Variants in PRKAG2 observed in about 807,000 individuals in gnomAD.
The protein encoded by PRKAG2 is 5'-AMP-activated protein kinase subunit gamma-2.
In PRKAG2, 26 loss-of-function variants were observed where a neutral mutation model predicts 69.6. The ratio of observed to expected loss-of-function variants is 0.37; its 90% CI spans 0.27 to 0.52. PRKAG2 has a LOEUF of 0.52. PRKAG2 is among the 20% of genes least tolerant of loss of function. The pLI, the probability that PRKAG2 is intolerant of heterozygous loss-of-function variation, is 0.90. For missense variants in PRKAG2, 557 were observed against 740.0 expected (o/e 0.75, Z 2.87); for synonymous variants, 293 against 285.0 (o/e 1.03, Z -0.28).
At chr7:151,578,619 T>C (rs1386659578) in intron 6 of PRKAG2, among the ~76,000 whole-genome samples, 1 of 152,188 alleles carries the variant, frequency 6.6e-6, no homozygotes, top group Non-Finnish European at 1.5e-5. Context: ...GTCCTGAATA[T>C]AGCAGGGATT....
chr7:151,800,068 G>A (rs546979368), intron 1 of PRKAG2, among the ~76,000 whole-genome samples: 2 of 151,202 alleles, frequency 1.3e-5, no homozygotes, highest in Non-Finnish European at 3.0e-5. Flanking sequence ...TTTGAAAGTC[G>A]CCTCACGGGC....
At chr7:151,782,346 AGGGAGGGAGGGAG>A (rs2076738292) in intron 2 of PRKAG2, among the ~76,000 whole-genome samples, 2 of 25,550 alleles carry the variant, frequency 7.8e-5, no homozygotes, top group African/African-American at 2.2e-4. Context: ...GGAAGGAGGG[AGGGAGGGAGGGAG>A]GGAGGGAGGG....
intron 3 of PRKAG2, among the ~76,000 whole-genome samples, chr7:151,738,563 C>A (rs1030912547): frequency 2.0e-5 from 3 of 152,280 alleles, no homozygotes; most frequent in African/African-American, 7.2e-5. Context: ...GGCGGAAAAC[C>A]GCTTAAAGGC....
intron 3 of PRKAG2, among the ~76,000 whole-genome samples, chr7:151,760,765 G>A (rs189493998): frequency 6.6e-6 from 1 of 152,280 alleles, no homozygotes; most frequent in East Asian, 1.9e-4. Context: ...GGCAGTTAAA[G>A]TCTATCTGTG....
intron 4 of PRKAG2, among the ~76,000 whole-genome samples, chr7:151,674,461 G>A (rs1007458923): frequency 6.6e-6 from 1 of 152,206 alleles, no homozygotes; most frequent in Non-Finnish European, 1.5e-5. Flanking sequence ...GTAGACCCAG[G>A]GATGTGGCTC....
rs1252805185 is a variant in PRKAG2, at chr7:151,557,096, C to T, written c.*105G>A. 7 of 1,546,934 alleles carry T rather than the reference C, an allele frequency of 4.5e-6. No homozygotes were observed. Among genetic ancestry groups the T allele is most frequent in the Non-Finnish European group, 5.4e-6 (6 of 1,119,730 alleles). ...ACTGGAAGAAATACCTATTGTTAAA[C>T]CCTGATATACATTCTTAACCACTTG... On this transcript the variant is annotated 3_prime_UTR_variant, in exon 16 of 16. Coordinates refer to ENST00000287878, the MANE Select transcript of PRKAG2 (RefSeq NM_016203.4).
intron 5 of PRKAG2, among the ~76,000 whole-genome samples, chr7:151,605,869 C>T (rs909190974): frequency 4.1e-4 from 60 of 146,618 alleles, no homozygotes; most frequent in Middle Eastern, 3.5e-3. Context: ...ACCCTGGAGG[C>T]GGAGGTTGCA....
chr7:151,791,483 G>A (rs1009582554), intron 1 of PRKAG2, among the ~76,000 whole-genome samples: 3 of 152,216 alleles, frequency 2.0e-5, no homozygotes, highest in Non-Finnish European at 2.9e-5. Context: ...CACAGGACTG[G>A]GAGGACATTT....
chr7:151,729,848 C>A (rs1176730955), intron 3 of PRKAG2, among the ~76,000 whole-genome samples: 3 of 152,220 alleles, frequency 2.0e-5, no homozygotes, highest in Non-Finnish European at 2.9e-5. Flanking sequence ...ACTGAACCGA[C>A]CCCTCGCCCT....
At chr7:151,667,892 C>T (rs1831282204) in intron 4 of PRKAG2, among the ~76,000 whole-genome samples, 1 of 152,146 alleles carries the variant, frequency 6.6e-6, no homozygotes, top group Admixed American at 6.5e-5. Context: ...AATTGCTGAC[C>T]CACAGAATTG....
At chr7:151,560,252 A>T in intron 15 of PRKAG2, 1 of 1,330,384 alleles carries the variant, frequency 7.5e-7, no homozygotes, top group Non-Finnish European at 9.7e-7. Flanking sequence ...AAAGGTTATG[A>T]TGAACATGGC....
chr7:151,691,765 T>G lies in PRKAG2; in HGVS notation c.467-16128A>C, dbSNP rs570480200. 5.3e-5 allele frequency among the ~76,000 whole-genome samples: 8 copies of G among 152,360 alleles called. No homozygotes were observed. In the East Asian group the frequency reaches 1.5e-3, roughly 29 times the overall value. ...TTTGGAAAATAGTTTGACAGTTTCT[T>G]CTGTAGTTAAACATACATTTACCAT... On this transcript the variant is annotated intron_variant, in intron 3 of 15. Coordinates refer to ENST00000287878, the MANE Select transcript of PRKAG2 (RefSeq NM_016203.4).
chr7:151,775,811 C>T (rs942383616), intron 3 of PRKAG2, among the ~76,000 whole-genome samples: 5 of 152,140 alleles, frequency 3.3e-5, no homozygotes, highest in Admixed American at 6.5e-5. Context: ...GTGGCTTTCA[C>T]GGGGCTGTTT....
At position 151,876,888 on chromosome 7, in the gene PRKAG2, C is replaced by G. The variant is rs190746984; in HGVS notation, c.-268G>C. ...CCGGTTCTGGTGTCTCCCCGGGTTA[C>G]TCGTGGCTGAGGTCTCCCGCTGGGT... On this transcript the variant is annotated 5_prime_UTR_variant, in exon 1 of 16. Transcript: ENST00000287878. The G allele has an allele frequency of 3.6e-6, 2 of 550,680 alleles. No homozygotes were observed. The highest frequency in any genetic ancestry group is 1.9e-5 in the African/African-American group (1 of 52,954). 34.1% of individuals were successfully genotyped at this position (550,680 alleles called of 1,614,324 possible).
chr7:151,675,879 A>G (rs1832861939), intron 3 of PRKAG2, among the ~76,000 whole-genome samples: 1 of 152,164 alleles, frequency 6.6e-6, no homozygotes, highest in African/African-American at 2.4e-5. Context: ...TCAAATGGCA[A>G]GAAGCCAAAT....
chr7:151,782,416 G>A (rs13244153), intron 2 of PRKAG2, among the ~76,000 whole-genome samples: 9 of 147,196 alleles, frequency 6.1e-5, no homozygotes, highest in African/African-American at 2.3e-4. Context: ...AAGGAAGGAA[G>A]GAAGGAAGGA....
In PRKAG2 at chr7:151,768,360, C is replaced by A. The variant is rs985193582; in HGVS notation, c.466+12792G>T. On this transcript the variant is annotated intron_variant, in intron 3 of 15. Transcript: ENST00000287878. ...GGTAAGGGGAATACGCCTGCAATGA[C>A]CCCACCAAAACCCCATTAGCAACGG... is the stretch of plus-strand genomic sequence containing the variant. Among the ~76,000 whole-genome samples the A allele has an allele frequency of 5.9e-5, 9 of 152,338 alleles. No individual in the cohort carries two copies. The East Asian group carries it at 1.5e-3, about 26-fold the overall frequency.
rs35008070 is a variant in PRKAG2 at position 151,734,848 on chromosome 7, C to CTTTTT, written c.466+46299_466+46303dup. ...TTATAGGCCCAGCCTAAATCTGATT[C>CTTTTT]TTTTTTTTTTTTTTTTTTTTTTTTG... is the stretch of plus-strand genomic sequence containing the variant. On this transcript the variant is annotated intron_variant, in intron 3 of 15. Coordinates refer to ENST00000287878, the MANE Select transcript of PRKAG2 (RefSeq NM_016203.4). Among the ~76,000 whole-genome samples, 186 of 90,092 alleles carry CTTTTT rather than the reference C, an allele frequency of 2.1e-3. 5 individuals are homozygous for CTTTTT. Among genetic ancestry groups the CTTTTT allele is most frequent in the African/African-American group, 7.4e-3 (145 of 19,704 alleles). 59.1% of individuals were successfully genotyped at this position (90,092 alleles called of 152,430 possible).
intron 4 of PRKAG2, among the ~76,000 whole-genome samples, chr7:151,641,651 T>C (rs969823993): frequency 9.3e-5 from 14 of 151,288 alleles, no homozygotes; most frequent in Admixed American, 6.6e-5. Context: ...CTCAAGTGAT[T>C]TTCCCATCTC....
Sources: gnomAD v4.1 joint callset for allele counts (sites outside exome capture counted in the v4.1 genomes callset) on GRCh38, gnomAD v4.1.1 for gene constraint, MANE v1.5 for transcripts, NCBI Gene and HGNC (gene_info 2026-07-23, HGNC 2026-07-21) for gene names.